The following DDHD1 variants were observed in gnomAD, a reference collection of about 807,000 sequenced individuals.
DDHD1 encodes the protein DDHD domain containing 1.
DDHD1 carries 49 observed loss-of-function variants against 96.4 expected under a neutral mutation model. The ratio of observed to expected loss-of-function variants is 0.51; its 90% CI spans 0.40 to 0.64. DDHD1 has a LOEUF of 0.64. Ranked by LOEUF, DDHD1 falls within the 30% of genes least tolerant of loss-of-function variation. DDHD1 has a pLI of 0.00. For missense variants in DDHD1, 1,106 were observed against 1,161.2 expected, an observed-to-expected ratio of 0.95 and a Z score of 0.69; for synonymous variants, 442 against 446.5, an observed-to-expected ratio of 0.99 and a Z score of 0.13.
chr14:53,055,747 T>C lies in DDHD1; in HGVS notation c.2158A>G (p.Thr720Ala), dbSNP rs1279574506. Residue 720 changes from threonine (T) to alanine (A), a missense_variant, in exon 10 of 13, where the codon ACC becomes GCC. Thr to Ala is a moderately conservative substitution (Grantham distance 58). Coordinates refer to ENST00000673822, the MANE Select transcript of DDHD1 (RefSeq NM_001160148.2). ...GGTGAGGTCACAGGGCTTGGTATGG[T>C]TGAAATGCCTTCATTCTCTGAAACT... ...TSVSENEGISTIPSPVTSPVL... is the reference protein window; with the variant it reads ...TSVSENEGISAIPSPVTSPVL... 3.7e-6 allele frequency: 6 copies of C among 1,614,042 alleles called. No individual in the cohort carries two copies. The highest frequency in any genetic ancestry group is 1.3e-5 in the African/African-American group (1 of 74,922).
At chr14:53,097,667 C>T (rs1039522477) in intron 2 of DDHD1, among the ~76,000 whole-genome samples, 3 of 151,702 alleles carry the variant, frequency 2.0e-5, no homozygotes, top group African/African-American at 7.3e-5. Context: ...GTAAAACTAA[C>T]GTGAACCAAT....
rs753299297 is a variant in DDHD1, at chr14:53,051,802, T to C, written c.2521+42A>G. ...AAGCAGAAGAACTCTAAGTAGATCA[T>C]TTTTATAGTATTCTGAATGCTATTC... On this transcript the variant is annotated intron_variant, in intron 12 of 12. Coordinates refer to ENST00000673822, the MANE Select transcript of DDHD1 (RefSeq NM_001160148.2). 11 of 1,487,732 alleles carry C rather than the reference T, an allele frequency of 7.4e-6. 1 individual carries two copies. The South Asian group carries it at 1.3e-4, about 18-fold the overall frequency. 92.2% of individuals were successfully genotyped at this position (1,487,732 alleles called of 1,614,324 possible).
At position 53,046,611 on chromosome 14, in the gene DDHD1, C is replaced by T. The variant is rs200673884; in HGVS notation, c.*157G>A. ...ATGACTTCTTCAGAACTGAAAACTTCTTTTTTTTTTAAATAAAGTGCTTTT... is the reference window on the plus strand; with the variant it reads ...ATGACTTCTTCAGAACTGAAAACTTTTTTTTTTTTTAAATAAAGTGCTTTT... On this transcript the variant is annotated 3_prime_UTR_variant, in exon 13 of 13. Coordinates refer to ENST00000673822, the MANE Select transcript of DDHD1 (RefSeq NM_001160148.2). 5.3e-5 allele frequency: 22 copies of T among 417,184 alleles called. No individual in the cohort carries two copies. In the African/African-American group the frequency reaches 6.5e-4, roughly 12 times the overall value. 25.8% of individuals were successfully genotyped at this position (417,184 alleles called of 1,614,324 possible).
chr14:53,045,177 A>T lies in DDHD1; in HGVS notation c.*1591T>A, dbSNP rs563045044. On this transcript the variant is annotated 3_prime_UTR_variant, in exon 13 of 13. Transcript: ENST00000673822. ...TAAAAGGTCACATGTGAATCAAGTC[A>T]TTGAACAGCATATAAAAGAATATGG... 1.3e-5 allele frequency: 2 copies of T among 152,214 alleles called. 1 individual carries two copies. Among genetic ancestry groups the T allele is most frequent in the East Asian group, 3.8e-4 (2 of 5,202 alleles). 9.4% of individuals were successfully genotyped at this position (152,214 alleles called of 1,614,324 possible). A position where few individuals can be genotyped will look rare whatever the true frequency, so the allele number is the denominator to read the frequency against.
chr14:53,055,534 A>G, intron 10 of DDHD1, 126 bp downstream of exon 10: 2 of 882,438 alleles, frequency 2.3e-6, no homozygotes, highest in Non-Finnish European at 1.7e-6. Context: ...TTGGGAGGGT[A>G]GTTAATTCTA....
At chr14:53,066,213 G>A (rs893434729) in intron 6 of DDHD1, among the ~76,000 whole-genome samples, 2 of 152,074 alleles carry the variant, frequency 1.3e-5, no homozygotes, top group East Asian at 1.9e-4. Context: ...GTGTGGTGGC[G>A]TGATCTCAGC....
chr14:53,080,717 C>CTTCCTTTTTTTTTTTTTTTTTTT, intron 4 of DDHD1, among the ~76,000 whole-genome samples: 1 of 89,538 alleles, frequency 1.1e-5, no homozygotes, highest in Non-Finnish European at 2.1e-5. Context: ...TTCCTTCCCC[C>CTTCCTTTTTTTTTTTTTTTTTTT]TTTTTTTTTT....
At position 53,055,871 on chromosome 14, in the gene DDHD1, G is replaced by A; in HGVS notation, c.2034C>T (p.Asn678=). 1.9e-6 allele frequency: 3 copies of A among 1,613,512 alleles called. No individual in the cohort carries two copies. Among genetic ancestry groups the A allele is most frequent in the Non-Finnish European group, 2.5e-6 (3 of 1,179,656 alleles). ...ACCAGTGGATCTGGACAGGTGAAAT[G>A]TTGCTGTAGTGTTTCAGTATTAATG... The part of the protein sequence containing the change: ...LEPLILKHYS[N]ISPVQIHWYN... The change falls in exon 10 of 13, where the codon AAC becomes AAT. Residue 678 remains asparagine (N), a synonymous_variant. Transcript: ENST00000673822.
At chr14:53,060,015 T>TC (rs2095519314) in intron 8 of DDHD1, among the ~76,000 whole-genome samples, 1 of 152,234 alleles carries the variant, frequency 6.6e-6, no homozygotes, top group Admixed American at 6.5e-5. Flanking sequence ...TATATTTTTT[T>TC]TAAAAAAACA....
At chr14:53,065,671 A>G (rs1334835809) in intron 6 of DDHD1, among the ~76,000 whole-genome samples, 1 of 152,222 alleles carries the variant, frequency 6.6e-6, no homozygotes, top group African/African-American at 2.4e-5. Context: ...GCATGTAAGA[A>G]TCTGAGAGTT....
intron 4 of DDHD1, among the ~76,000 whole-genome samples, chr14:53,088,133 A>C (rs577885080): frequency 2.0e-5 from 3 of 152,180 alleles, no homozygotes; most frequent in African/African-American, 7.2e-5. Flanking sequence ...AAGTTGAATC[A>C]CTGAATAGAC....
chr14:53,096,223 G>T (rs1199759973), intron 2 of DDHD1: 1 of 981,390 alleles, frequency 1.0e-6, no homozygotes, highest in African/African-American at 1.7e-5. Flanking sequence ...AGACAACTAA[G>T]AAAGCAAAAA....
At chr14:53,116,745 G>A (rs995760717) in intron 1 of DDHD1, among the ~76,000 whole-genome samples, 3 of 152,202 alleles carry the variant, frequency 2.0e-5, no homozygotes, top group Non-Finnish European at 4.4e-5. Context: ...GAAATTTATA[G>A]CACTAAATAC....
chr14:53,099,587 T>C (rs565879340), intron 2 of DDHD1, among the ~76,000 whole-genome samples: 1 of 152,306 alleles, frequency 6.6e-6, no homozygotes, highest in South Asian at 2.1e-4. Flanking sequence ...CCCATTCAGT[T>C]CAACCTATTT....
intron 1 of DDHD1, among the ~76,000 whole-genome samples, chr14:53,105,755 A>G (rs1030367342): frequency 1.3e-5 from 2 of 152,284 alleles, no homozygotes; most frequent in Middle Eastern, 3.4e-3. Flanking sequence ...ATTTTAATAG[A>G]TGAGTTAAGC....
At chr14:53,068,942 C>T (rs1353498950) in intron 6 of DDHD1, among the ~76,000 whole-genome samples, 2 of 152,222 alleles carry the variant, frequency 1.3e-5, no homozygotes, top group Non-Finnish European at 2.9e-5. Context: ...AGGATTCCCT[C>T]CATCAGTTGC....
At chr14:53,055,272 G>C (rs1184952260) in intron 10 of DDHD1, among the ~76,000 whole-genome samples, 1 of 152,202 alleles carries the variant, frequency 6.6e-6, no homozygotes, top group Non-Finnish European at 1.5e-5. Context: ...TTTTAGAATA[G>C]ATCAGAGAAC....
intron 1 of DDHD1, among the ~76,000 whole-genome samples, chr14:53,106,867 T>A (rs990170656): frequency 6.6e-6 from 1 of 152,140 alleles, no homozygotes; most frequent in Non-Finnish European, 1.5e-5. Flanking sequence ...AAGTGTTGAG[T>A]TATGGTTTAA....
At chr14:53,134,588 A>G (rs1281192838) in intron 1 of DDHD1, among the ~76,000 whole-genome samples, 1 of 139,748 alleles carries the variant, frequency 7.2e-6, no homozygotes, top group African/African-American at 2.7e-5. Context: ...CCTCGACCTT[A>G]CTCACTGCTA....
Sources: allele counts gnomAD v4.1 joint callset (sites outside exome capture counted in the v4.1 genomes callset), GRCh38; gene constraint gnomAD v4.1.1; transcripts MANE v1.5; gene names NCBI Gene and HGNC (gene_info 2026-07-23, HGNC 2026-07-21).